Variants in ABTB2 observed in about 807,000 individuals in gnomAD.
ABTB2 encodes ankyrin repeat and BTB domain containing 2, also known as ankyrin repeat and BTB/POZ domain-containing protein 2.
A neutral mutation model predicts 104.1 loss-of-function variants in ABTB2; 56 were observed. The observed-to-expected ratio is 0.54, with a 90% CI of 0.43 to 0.67. The LOEUF is 0.67. Among genes scored for constraint, ABTB2 ranks in the 30% least tolerant of loss-of-function variants. The probability of loss-of-function intolerance (pLI) is 0.00; values close to 1 mark genes in which losing one functional copy is unlikely to be tolerated. For missense variants in ABTB2, 1,279 were observed against 1,407.7 expected (o/e 0.91, Z 1.46); for synonymous variants, 606 against 608.2 (o/e 1.00, Z 0.05).
intron 1 of ABTB2, among the ~76,000 whole-genome samples, chr11:34,348,551 C>T (rs879318347): frequency 2.0e-4 from 31 of 152,148 alleles, no homozygotes; most frequent in Non-Finnish European, 4.4e-4. Context: ...TCTCCGCAGT[C>T]GCAGCTCTAC....
chr11:34,278,353 A>C (rs1033318227), intron 1 of ABTB2, among the ~76,000 whole-genome samples: 6 of 152,170 alleles, frequency 3.9e-5, no homozygotes, highest in Admixed American at 6.5e-5. Context: ...TTGTTTCCTT[A>C]CTGCAGGACT....
chr11:34,231,096 A>C (rs1429264027), intron 1 of ABTB2, among the ~76,000 whole-genome samples: 1 of 152,226 alleles, frequency 6.6e-6, no homozygotes, highest in Non-Finnish European at 1.5e-5. Context: ...GGGCATGGAA[A>C]ACAGAAAATG....
chr11:34,238,677 TCA>T (rs1482587743), intron 1 of ABTB2, among the ~76,000 whole-genome samples: 1 of 152,214 alleles, frequency 6.6e-6, no homozygotes, highest in Non-Finnish European at 1.5e-5. Context: ...TGGCCTGAGC[TCA>T]CAGCCTGAGC....
In ABTB2 at chr11:34,182,508, G is replaced by A. The variant is rs959616531; in HGVS notation, c.1245-9201C>T. The stretch of plus-strand genomic sequence containing the variant: ...GGCATTGGGTTCTCTGGGGGGGGGG[G>A]GAAATTCACTTTTCCTATTAAAACT... On this transcript the variant is annotated intron_variant, in intron 3 of 16. Transcript: ENST00000435224. 3.6e-5 allele frequency among the ~76,000 whole-genome samples: 5 copies of A among 137,314 alleles called. 1 individual carries two copies. The highest frequency in any genetic ancestry group is 5.7e-5 in the African/African-American group (2 of 35,294). The allele number at this position is 137,314 out of a possible 152,430, so 90.1% of individuals were successfully genotyped here.
intron 1 of ABTB2, among the ~76,000 whole-genome samples, chr11:34,316,565 G>A (rs1161044585): frequency 6.6e-6 from 1 of 152,174 alleles, no homozygotes. Flanking sequence ...AAACGTGTTT[G>A]TCGCAAATAT....
At chr11:34,288,450 C>A (rs535057264) in intron 1 of ABTB2, among the ~76,000 whole-genome samples, 2 of 152,222 alleles carry the variant, frequency 1.3e-5, no homozygotes, top group East Asian at 3.9e-4. Flanking sequence ...CAAGAACAAT[C>A]AAAGATTTCC....
intron 1 of ABTB2, among the ~76,000 whole-genome samples, chr11:34,285,113 C>T (rs1232774408): frequency 2.0e-5 from 3 of 152,122 alleles, no homozygotes; most frequent in Admixed American, 6.6e-5. Flanking sequence ...TTAGACCAGG[C>T]GGAGGGGGGC....
intron 1 of ABTB2, among the ~76,000 whole-genome samples, chr11:34,234,153 C>T (rs867348162): frequency 1.3e-5 from 2 of 152,158 alleles, no homozygotes; most frequent in African/African-American, 4.8e-5. Context: ...TCTCCCCTCC[C>T]CTCCCCTGTT....
rs2132998556 is a variant in ABTB2 at position 34,154,776 on chromosome 11, T to C, written c.2698-7A>G. 1 of 1,613,964 alleles carries C rather than the reference T, an allele frequency of 6.2e-7. No individual in the cohort carries two copies. The highest frequency in any genetic ancestry group is 1.1e-5 in the South Asian group (1 of 91,068). ...ACAGATACTGCATCATCATCTGTGG[T>C]GGGAAGAGGCCCATGTGAATGCCAC... is the stretch of plus-strand genomic sequence containing the variant. On this transcript the variant is annotated splice_region_variant and splice_polypyrimidine_tract_variant and intron_variant, in intron 14 of 16. Coordinates refer to ENST00000435224, the MANE Select transcript of ABTB2 (RefSeq NM_145804.3). The surrounding 1 kb of genome is among the most constrained non-coding windows in gnomAD (Gnocchi z 4.9).
intron 1 of ABTB2, among the ~76,000 whole-genome samples, chr11:34,249,694 G>C (rs1389217406): frequency 6.6e-6 from 1 of 152,184 alleles, no homozygotes; most frequent in Non-Finnish European, 1.5e-5. Context: ...GCCGAGGCTG[G>C]AGTGCCGTGG....
At chr11:34,216,337 C>T (rs1853548135) in intron 1 of ABTB2, among the ~76,000 whole-genome samples, 1 of 152,176 alleles carries the variant, frequency 6.6e-6, no homozygotes, top group Non-Finnish European at 1.5e-5. Flanking sequence ...TCCCTCCCTG[C>T]CCAACCCCTG....
At chr11:34,333,714 T>G (rs1308742839) in intron 1 of ABTB2, among the ~76,000 whole-genome samples, 1 of 152,036 alleles carries the variant, frequency 6.6e-6, no homozygotes, top group Non-Finnish European at 1.5e-5. Flanking sequence ...TGAGATTGTG[T>G]CACTGCACTC....
intron 1 of ABTB2, among the ~76,000 whole-genome samples, chr11:34,322,507 G>A (rs1855016666): frequency 6.6e-6 from 1 of 152,006 alleles, no homozygotes; most frequent in South Asian, 2.1e-4. Flanking sequence ...CCTGGGTGGT[G>A]GAAGTTGCAG....
At position 34,281,959 on chromosome 11, in the gene ABTB2, A is replaced by T. The variant is rs539224585; in HGVS notation, c.883+74742T>A. Among the ~76,000 whole-genome samples the T allele has an allele frequency of 2.0e-5, 3 of 152,388 alleles. 1 individual carries two copies. The South Asian group carries it at 6.2e-4, about 32-fold the overall frequency. On this transcript the variant is annotated intron_variant, in intron 1 of 16. Coordinates refer to ENST00000435224, the MANE Select transcript of ABTB2 (RefSeq NM_145804.3). ...TACCTAGTAATAGGCGATGGATTAC[A>T]TAAGTCCATTATATATGTCTTAGTT...
At position 34,281,485 on chromosome 11, in the gene ABTB2, C is replaced by T. The variant is rs539698464; in HGVS notation, c.883+75216G>A. Reference sequence around the variant, plus strand: ...CAGAGCCTCTGTGCCTCCCCTGGGCCCTTTTGTCTAGACAATCCTGTAACC... The same window carrying T: ...CAGAGCCTCTGTGCCTCCCCTGGGCTCTTTTGTCTAGACAATCCTGTAACC... On this transcript the variant is annotated intron_variant, in intron 1 of 16. Transcript: ENST00000435224. Among the ~76,000 whole-genome samples the T allele has an allele frequency of 3.9e-5, 6 of 152,294 alleles. No homozygotes were observed. The East Asian group carries it at 1.2e-3, about 29-fold the overall frequency.
intron 1 of ABTB2, among the ~76,000 whole-genome samples, chr11:34,346,657 G>C (rs180905181): frequency 3.3e-5 from 5 of 152,270 alleles, no homozygotes; most frequent in Admixed American, 2.0e-4. Context: ...GTGGGGTCTA[G>C]AAACACTATC....
intron 1 of ABTB2, among the ~76,000 whole-genome samples, chr11:34,312,908 C>T (rs1420562295): frequency 1.3e-5 from 2 of 152,130 alleles, no homozygotes; most frequent in Non-Finnish European, 2.9e-5. Context: ...GAAGGGGTAA[C>T]TTGTGTTAGG....
intron 9 of ABTB2, among the ~76,000 whole-genome samples, chr11:34,163,746 T>C (rs1264085860): frequency 6.6e-6 from 1 of 152,216 alleles, no homozygotes; most frequent in Non-Finnish European, 1.5e-5. Flanking sequence ...TCAGGCAGTT[T>C]ACAGAGCACC....
At chr11:34,213,238 G>T (rs935671114) in intron 1 of ABTB2, among the ~76,000 whole-genome samples, 1 of 152,236 alleles carries the variant, frequency 6.6e-6, no homozygotes, top group African/African-American at 2.4e-5. Context: ...AGCACTTTGG[G>T]AGGCCAAGGC....
Sources: gnomAD v4.1 joint callset for allele counts (sites outside exome capture counted in the v4.1 genomes callset) on GRCh38, gnomAD v4.1.1 for gene constraint, Gnocchi (gnomAD v3.1) non-coding constraint, MANE v1.5 for transcripts, NCBI Gene and HGNC (gene_info 2026-07-23, HGNC 2026-07-21) for gene names.